BSPH1: variants seen among roughly 807,000 people sequenced by gnomAD.
BSPH1 encodes the protein binder of sperm 1.
Under a neutral mutation model 22.5 loss-of-function variants are expected in BSPH1, and 21 were observed. That is an observed-to-expected ratio of 0.93 (90% CI 0.66 to 1.35). The LOEUF (loss-of-function observed/expected upper bound fraction) is 1.35. Ranked by LOEUF, BSPH1 falls within the 40% of genes most tolerant of loss-of-function variation. The pLI is 0.00. For synonymous variants in BSPH1, 42 were observed against 53.6 expected (o/e 0.78, Z 0.95); for missense variants, 141 against 154.2 (o/e 0.91, Z 0.45).
At chr19:47,979,794 C>T (rs894605605) in intron 2 of BSPH1, among the ~76,000 whole-genome samples, 195 bp from the exon 3 acceptor site, 1 of 152,050 alleles carries the variant, frequency 6.6e-6, no homozygotes, top group Non-Finnish European at 1.5e-5. Flanking sequence ...ATATGATTTT[C>T]TTATTTATTC....
At chr19:47,969,206 G>A (rs948614062) in intron 5 of BSPH1, among the ~76,000 whole-genome samples, 1 of 152,064 alleles carries the variant, frequency 6.6e-6, no homozygotes, top group Non-Finnish European at 1.5e-5. Context: ...TTAGTTGGAC[G>A]TGGTAGACAT....
intron 1 of BSPH1, among the ~76,000 whole-genome samples, chr19:47,981,591 C>T (rs1301389984): frequency 1.3e-5 from 2 of 152,178 alleles, no homozygotes; most frequent in Non-Finnish European, 2.9e-5. Context: ...TGAATCCCCC[C>T]GGAGGGGTTG....
intron 5 of BSPH1, among the ~76,000 whole-genome samples, chr19:47,968,617 C>T (rs1773764450): frequency 6.9e-6 from 1 of 145,662 alleles, no homozygotes; most frequent in Non-Finnish European, 1.5e-5. Flanking sequence ...GGCACCACTG[C>T]ACTGCAGTGG....
intron 4 of BSPH1, 140 bp from the exon 5 acceptor site, chr19:47,976,994 C>T (rs1400985272): frequency 3.8e-6 from 3 of 782,488 alleles, no homozygotes; most frequent in Admixed American, 5.5e-5. Context: ...CACATGCACA[C>T]TCACACAGAC....
At chr19:47,973,563 G>A (rs1279758241) in intron 5 of BSPH1, among the ~76,000 whole-genome samples, 1 of 152,154 alleles carries the variant, frequency 6.6e-6, no homozygotes, top group Non-Finnish European at 1.5e-5. Flanking sequence ...AAGAGAAAGG[G>A]GAAGCTGGTT....
In BSPH1 at chr19:47,977,482, G is replaced by A. The variant is rs1366106165; in HGVS notation, c.147C>T (p.Phe49=). ...CATAATATGTTCCATTTTTATAGTG[G>A]AATGGAAAGACACACTCCCCATCTA... The part of the protein sequence containing the change: ...EVTDGECVFP[F]HYKNGTYYDC... Residue 49 remains phenylalanine, a synonymous_variant, in exon 4 of 6, where the codon TTC becomes TTT. Transcript: ENST00000344839. 6.4e-7 allele frequency: 1 copy of A among 1,551,428 alleles called. No individual in the cohort carries two copies. The highest frequency in any genetic ancestry group is 8.7e-7 in the Non-Finnish European group (1 of 1,146,822).
chr19:47,983,805 G>C (rs1272902650), intron 1 of BSPH1, among the ~76,000 whole-genome samples: 1 of 151,854 alleles, frequency 6.6e-6, no homozygotes, highest in African/African-American at 2.4e-5. Context: ...GTTAAAAAGA[G>C]CACATATTGT....
At chr19:47,977,778 G>A (rs1969379102) in intron 3 of BSPH1, 2 of 639,536 alleles carry the variant, frequency 3.1e-6, no homozygotes. Flanking sequence ...TCTCTCCTAA[G>A]CGTAGAAATA....
chr19:47,986,144 T>C (rs546520093), intron 1 of BSPH1, among the ~76,000 whole-genome samples: 1 of 152,328 alleles, frequency 6.6e-6, no homozygotes, highest in Admixed American at 6.5e-5. Flanking sequence ...GCCTGCTACA[T>C]GGTAGTCCTA....
chr19:47,979,153 C>T (rs1472440488), intron 3 of BSPH1, among the ~76,000 whole-genome samples: 1 of 151,980 alleles, frequency 6.6e-6, no homozygotes, highest in African/African-American at 2.4e-5. Flanking sequence ...TCTTCTTCCT[C>T]TTCTTCTTCC....
At chr19:47,975,998 T>C (rs1184642052) in intron 5 of BSPH1, among the ~76,000 whole-genome samples, 1 of 152,152 alleles carries the variant, frequency 6.6e-6, no homozygotes, top group Non-Finnish European at 1.5e-5. Flanking sequence ...AGAGCAGTTT[T>C]AAGTCACAGA....
chr19:47,974,707 C>T lies in BSPH1; in HGVS notation c.*2+2003G>A, dbSNP rs375017067. The stretch of plus-strand genomic sequence containing the variant: ...CTCAATTCCAGGAATTTCTCTTCCC[C>T]TCACTGTTTAGGTATTGCTCTTACT... On this transcript the variant is annotated intron_variant, in intron 5 of 5. Transcript: ENST00000344839. Among the ~76,000 whole-genome samples the T allele has an allele frequency of 2.0e-4, 30 of 152,188 alleles. No individual in the cohort carries two copies. In the East Asian group the frequency reaches 3.7e-3, roughly 19 times the overall value.
chr19:47,978,246 A>G (rs1040670761), intron 3 of BSPH1, among the ~76,000 whole-genome samples: 1 of 151,894 alleles, frequency 6.6e-6, no homozygotes, highest in Non-Finnish European at 1.5e-5. Flanking sequence ...CTGGGACTGC[A>G]GGTGCGTGCT....
At chr19:47,976,548 AT>A (rs1969364523) in intron 5 of BSPH1, among the ~76,000 whole-genome samples, 161 bp downstream of exon 5, 1 of 137,552 alleles carries the variant, frequency 7.3e-6, no homozygotes, top group African/African-American at 2.7e-5. Context: ...ACCTCTAGTT[AT>A]TTATAGTTAG....
intron 5 of BSPH1, among the ~76,000 whole-genome samples, chr19:47,974,268 TC>T (rs1172613660): frequency 0.21 from 21,378 of 101,148 alleles, 1,967 homozygotes; most frequent in Non-Finnish European, 0.23. Context: ...TCTCTCTCTC[TC>T]TTTTTTTTTT....
chr19:47,971,292 G>A (rs370348063), intron 5 of BSPH1, among the ~76,000 whole-genome samples: 4 of 152,088 alleles, frequency 2.6e-5, no homozygotes, highest in South Asian at 4.2e-4. Context: ...TGCAACTTCC[G>A]CCTTTTGGGT....
chr19:47,974,469 C>T (rs1044778051), intron 5 of BSPH1, among the ~76,000 whole-genome samples: 1 of 151,794 alleles, frequency 6.6e-6, no homozygotes, highest in African/African-American at 2.4e-5. Context: ...AGGGTTTCGC[C>T]GTGTTGGCTG....
In BSPH1 at chr19:47,979,609, A is replaced by C. The variant is rs935237131; in HGVS notation, c.95-10T>G. 7.7e-7 allele frequency: 1 copy of C among 1,304,484 alleles called. No homozygotes were observed. Among genetic ancestry groups the C allele is most frequent in the African/African-American group, 1.5e-5 (1 of 65,742 alleles). The allele number at this position is 1,304,484 out of a possible 1,614,324, so 80.8% of individuals were successfully genotyped here. The stretch of plus-strand genomic sequence containing the variant: ...AAATGAGTTATAGTTTCTGAAAAAT[A>C]AAATTTAGAGCTGACATTTATTTCA... On this transcript the variant is annotated splice_polypyrimidine_tract_variant and intron_variant, in intron 2 of 5. Transcript: ENST00000344839.
At chr19:47,979,784 A>G (rs1049338836) in intron 2 of BSPH1, among the ~76,000 whole-genome samples, 185 bp from the exon 3 acceptor site, 3 of 152,108 alleles carry the variant, frequency 2.0e-5, no homozygotes, top group Admixed American at 6.5e-5. Flanking sequence ...TTGCTCTTCA[A>G]TATGATTTTC....
Sources: gnomAD v4.1 joint callset for allele counts (sites outside exome capture counted in the v4.1 genomes callset) on GRCh38, gnomAD v4.1.1 for gene constraint, MANE v1.5 for transcripts, NCBI Gene and HGNC (gene_info 2026-07-23, HGNC 2026-07-21) for gene names.